The following ABHD18 variants were observed in gnomAD, a reference collection of about 807,000 sequenced individuals.
ABHD18 encodes the protein cardiolipin-specific deacylase, mitochondrial.
ABHD18 carries 55 observed loss-of-function variants against 65.9 expected under a neutral mutation model. That is an observed-to-expected ratio of 0.84 (90% CI 0.67 to 1.05). The LOEUF (loss-of-function observed/expected upper bound fraction) is 1.05. Ranked by LOEUF, ABHD18 falls within the 50% of genes least tolerant of loss-of-function variation. The pLI, the probability that ABHD18 is intolerant of heterozygous loss-of-function variation, is 0.00. For synonymous variants in ABHD18, 181 were observed against 180.2 expected (o/e 1.00, Z -0.04); for missense variants, 533 against 558.5 (o/e 0.95, Z 0.46).
intron 4 of ABHD18, among the ~76,000 whole-genome samples, chr4:127,992,859 A>G (rs895770085): frequency 6.6e-6 from 1 of 152,114 alleles, no homozygotes; most frequent in African/African-American, 2.4e-5. Flanking sequence ...TCTTTTAGAT[A>G]TGCTTTATCT....
At chr4:127,999,879 G>A (rs978830545) in intron 4 of ABHD18, among the ~76,000 whole-genome samples, 1 of 152,068 alleles carries the variant, frequency 6.6e-6, no homozygotes, top group South Asian at 2.1e-4. Flanking sequence ...TAGTTTGCAC[G>A]CTGCTGATAA....
At chr4:127,966,884 C>CA (rs1177943709) in intron 1 of ABHD18, among the ~76,000 whole-genome samples, 1,705 of 82,322 alleles carry the variant, frequency 0.021, 21 homozygotes, top group African/African-American at 0.041. Flanking sequence ...GATTCTGTCT[C>CA]AAAAAAAAAA....
chr4:128,001,449 A>T (rs1752616303), intron 4 of ABHD18, among the ~76,000 whole-genome samples: 1 of 152,206 alleles, frequency 6.6e-6, no homozygotes, highest in African/African-American at 2.4e-5. Context: ...TAATTTGCAT[A>T]TATTGAACCA....
Position 127,992,234 on chromosome 4 carries a change from G to A in ABHD18, c.278+2413G>A, listed in dbSNP as rs1311591229. Among the ~76,000 whole-genome samples, 4 of 152,232 alleles carry A rather than the reference G, an allele frequency of 2.6e-5. No individual in the cohort carries two copies. The East Asian group carries it at 5.8e-4, about 22-fold the overall frequency. ...CGCCTGTAATCCCAGCACTTTGGGA[G>A]GCCTAGGAGGGCGGATCACCTGACA... On this transcript the variant is annotated intron_variant, in intron 4 of 12. Coordinates refer to ENST00000645843, the MANE Select transcript of ABHD18 (RefSeq NM_001358451.3).
rs762721892 is a variant in ABHD18, at chr4:127,989,794, T to C, written c.251T>C (p.Ile84Thr). ...VSPMAHYVPD[I>T]MPIESVIARF... ...CCCATGGCTCACTATGTGCCTGATA[T>C]CATGCCAATTGAATCTGTTATTGCA... The change falls in exon 4 of 13, where the codon ATC becomes ACC. Residue 84 changes from isoleucine (I) to threonine (T), a missense_variant. By Grantham distance (89) the Ile-to-Thr change is moderately conservative (BLOSUM62 -1). Coordinates refer to ENST00000645843, the MANE Select transcript of ABHD18 (RefSeq NM_001358451.3). 15 of 1,597,042 alleles carry C rather than the reference T, an allele frequency of 9.4e-6. No individual in the cohort carries two copies. Among genetic ancestry groups the C allele is most frequent in the Non-Finnish European group, 1.3e-5 (15 of 1,171,600 alleles).
intron 12 of ABHD18, among the ~76,000 whole-genome samples, chr4:128,033,952 C>CTTTTTTTTTTTT (rs1239951635): frequency 1.4e-5 from 2 of 139,692 alleles, no homozygotes; most frequent in Non-Finnish European, 3.2e-5. Flanking sequence ...CATGCATTTT[C>CTTTTTTTTTTTT]TTTTTTCTTT....
At chr4:128,017,235 C>A in intron 7 of ABHD18, 128 bp from the exon 8 acceptor site, 1 of 883,114 alleles carries the variant, frequency 1.1e-6, no homozygotes, top group Non-Finnish European at 1.7e-6. Context: ...CAATTTATTA[C>A]ATTGTTTTAC....
Position 128,018,683 on chromosome 4 carries a change from C to T in ABHD18, c.609+1182C>T, listed in dbSNP as rs569770631. On this transcript the variant is annotated intron_variant, in intron 8 of 12. Transcript: ENST00000645843. ...ATTATTATATGAAGTTTCTGTATGC[C>T]TCTTGAATTAGAAAATTAAGCTCAA... Among the ~76,000 whole-genome samples the T allele has an allele frequency of 1.3e-4, 20 of 152,020 alleles. No individual in the cohort carries two copies. In the South Asian group the frequency reaches 3.9e-3, roughly 30 times the overall value.
rs1265999341 is a variant in ABHD18, at chr4:128,023,411, A to G, written c.801+2173A>G. On this transcript the variant is annotated intron_variant, in intron 10 of 12. Coordinates refer to ENST00000645843, the MANE Select transcript of ABHD18 (RefSeq NM_001358451.3). ...TGAGACTCTTGTCTCTACAAAAAAAAAAAAAAAAAAAAAAAAAAAAAAAGC... is the reference window on the plus strand; with the variant it reads ...TGAGACTCTTGTCTCTACAAAAAAAGAAAAAAAAAAAAAAAAAAAAAAAGC... Among the ~76,000 whole-genome samples, 394 of 143,800 alleles carry G rather than the reference A, an allele frequency of 2.7e-3. 5 individuals are homozygous for G. Among genetic ancestry groups the G allele is most frequent in the African/African-American group, 9.7e-3 (377 of 38,836 alleles). 94.3% of individuals were successfully genotyped at this position (143,800 alleles called of 152,430 possible).
At chr4:127,984,650 G>A (rs1225475495) in intron 3 of ABHD18, among the ~76,000 whole-genome samples, 2 of 152,084 alleles carry the variant, frequency 1.3e-5, no homozygotes, top group Non-Finnish European at 2.9e-5. Context: ...CTGAGGTTGG[G>A]AGTTCAGACC....
chr4:127,965,966 G>C (rs889863593), intron 1 of ABHD18: 1 of 152,310 alleles, frequency 6.6e-6, no homozygotes, highest in African/African-American at 2.4e-5. Context: ...CCCCGGATGC[G>C]CACCCCAACG....
At chr4:128,001,364 C>T (rs983344110) in intron 4 of ABHD18, among the ~76,000 whole-genome samples, 5 of 152,182 alleles carry the variant, frequency 3.3e-5, no homozygotes, top group South Asian at 2.1e-4. Flanking sequence ...TGAATTTTAT[C>T]GAAAGCCTTT....
chr4:128,039,687 A>G lies in ABHD18; in HGVS notation c.*3874A>G, dbSNP rs1001900692. 2.6e-5 allele frequency: 4 copies of G among 152,196 alleles called. No individual in the cohort carries two copies. The highest frequency in any genetic ancestry group is 5.9e-5 in the Non-Finnish European group (4 of 68,032). The allele number at this position is 152,196 out of a possible 1,614,324, so 9.4% of individuals were successfully genotyped here. A position where few individuals can be genotyped will look rare whatever the true frequency, so the allele number is the denominator to read the frequency against. On this transcript the variant is annotated 3_prime_UTR_variant, in exon 13 of 13. Coordinates refer to ENST00000645843, the MANE Select transcript of ABHD18 (RefSeq NM_001358451.3). ...TTCCAAATCTTTTATTATATTTCAC[A>G]GTAAAAGTCTATTTAAAAAGCTAAT...
intron 4 of ABHD18, among the ~76,000 whole-genome samples, chr4:128,006,120 G>A (rs1351717742): frequency 1.3e-5 from 2 of 152,138 alleles, no homozygotes; most frequent in Non-Finnish European, 2.9e-5. Flanking sequence ...GGGGAAGACT[G>A]TTAGAAGATA....
At chr4:128,012,765 G>A (rs1048484180) in intron 7 of ABHD18, among the ~76,000 whole-genome samples, 2 of 151,786 alleles carry the variant, frequency 1.3e-5, no homozygotes, top group Non-Finnish European at 2.9e-5. Context: ...TACAAGATGA[G>A]GTCAGAAAGA....
intron 4 of ABHD18, among the ~76,000 whole-genome samples, chr4:128,002,310 T>A (rs940054732): frequency 6.6e-6 from 1 of 150,810 alleles, no homozygotes; most frequent in Non-Finnish European, 1.5e-5. Flanking sequence ...GGAGTCTCGC[T>A]CTGTCACCCA....
At chr4:128,011,805 T>A in intron 7 of ABHD18, 105 bp downstream of exon 7, 5 of 275,586 alleles carry the variant, frequency 1.8e-5, no homozygotes, top group Non-Finnish European at 2.1e-5. Context: ...AATACCTAAA[T>A]ATTATGGGGG....
At chr4:127,982,890 C>CT in intron 1 of ABHD18, 49 bp from the exon 2 acceptor site, 1 of 1,052,692 alleles carries the variant, frequency 9.5e-7, no homozygotes, top group Non-Finnish European at 1.4e-6. Context: ...GACCTGCTAC[C>CT]TTGAAACAAA....
intron 4 of ABHD18, among the ~76,000 whole-genome samples, chr4:128,003,616 C>T (rs988074571): frequency 2.0e-5 from 3 of 151,814 alleles, no homozygotes; most frequent in African/African-American, 7.3e-5. Flanking sequence ...CCAGCTAATT[C>T]TTTTCTCTTA....
Sources: gnomAD v4.1 joint callset for allele counts (sites outside exome capture counted in the v4.1 genomes callset) on GRCh38, gnomAD v4.1.1 for gene constraint, MANE v1.5 for transcripts, NCBI Gene and HGNC (gene_info 2026-07-23, HGNC 2026-07-21) for gene names.